VAV3: variants seen among roughly 807,000 people sequenced by gnomAD.
VAV3 encodes the protein vav guanine nucleotide exchange factor 3, also known as guanine nucleotide exchange factor VAV3.
In VAV3, 94 loss-of-function variants were observed where a neutral mutation model predicts 131.2. The observed-to-expected ratio is 0.72, with a 90% CI of 0.61 to 0.85. The LOEUF (loss-of-function observed/expected upper bound fraction) is 0.85, where lower values mean the gene tolerates loss of function less well. Among genes scored for constraint, VAV3 ranks in the 40% least tolerant of loss-of-function variants. VAV3 has a pLI of 0.00. For synonymous variants in VAV3, 349 were observed against 342.0 expected (o/e 1.02, Z -0.22); for missense variants, 939 against 1,002.7 (o/e 0.94, Z 0.86).
chr1:107,784,785 C>A (rs1471516611), intron 2 of VAV3, among the ~76,000 whole-genome samples: 1 of 152,120 alleles, frequency 6.6e-6, no homozygotes, highest in East Asian at 1.9e-4. Context: ...AGAGTAATAC[C>A]TTGCTAAATT....
rs146310785 is a variant in VAV3, at chr1:107,579,764, A to G, written c.2351-5566T>C. Among the ~76,000 whole-genome samples the G allele has an allele frequency of 3.9e-5, 6 of 152,204 alleles. No homozygotes were observed. In the East Asian group the frequency reaches 1.2e-3, roughly 29 times the overall value. Reference sequence around the variant, plus strand: ...AACCCTTGGCCTGAATTCCATGACAATTCATAATCTGGCCACTCTTGTCTC... The same window carrying G: ...AACCCTTGGCCTGAATTCCATGACAGTTCATAATCTGGCCACTCTTGTCTC... On this transcript the variant is annotated intron_variant, in intron 25 of 26. Transcript: ENST00000370056.
chr1:107,783,283 G>A (rs2102241150), intron 2 of VAV3, among the ~76,000 whole-genome samples: 1 of 152,264 alleles, frequency 6.6e-6, no homozygotes, highest in Non-Finnish European at 1.5e-5. Context: ...AAAGTGAAGG[G>A]CAGACTGGGG....
Position 107,893,094 on chromosome 1 carries a change from T to C in VAV3, c.205-18077A>G, listed in dbSNP as rs182370683. Among the ~76,000 whole-genome samples the C allele has an allele frequency of 2.4e-3, 360 of 152,314 alleles. 2 individuals are homozygous for C. The highest frequency in any genetic ancestry group is 4.1e-3 in the Admixed American group (63 of 15,296). On this transcript the variant is annotated intron_variant, in intron 1 of 26. Coordinates refer to ENST00000370056, the MANE Select transcript of VAV3 (RefSeq NM_006113.5). The stretch of plus-strand genomic sequence containing the variant: ...CTTGGTCAAGTTGCTAAAGCTCCAG[T>C]GTCAACTTACAAAAATAATAATCCT...
chr1:107,865,918 TAA>T (rs777099076), intron 2 of VAV3, among the ~76,000 whole-genome samples: 101 of 152,192 alleles, frequency 6.6e-4, no homozygotes, highest in Non-Finnish European at 1.2e-3. Flanking sequence ...GAGTACACAG[TAA>T]GAGACAAAAT....
intron 1 of VAV3, among the ~76,000 whole-genome samples, chr1:107,931,998 T>C (rs1043794682): frequency 2.0e-5 from 3 of 152,246 alleles, no homozygotes; most frequent in Non-Finnish European, 2.9e-5. Flanking sequence ...GTTTTTCTTA[T>C]GGCCAACCAG....
At chr1:107,663,690 T>C (rs746472737) in intron 19 of VAV3, among the ~76,000 whole-genome samples, 12 of 152,224 alleles carry the variant, frequency 7.9e-5, no homozygotes, top group Non-Finnish European at 1.5e-4. Flanking sequence ...TCTGATTGCC[T>C]TGACTTTCGG....
intron 26 of VAV3, among the ~76,000 whole-genome samples, 159 bp from the exon 27 acceptor site, chr1:107,573,531 A>T (rs1358920480): frequency 1.3e-5 from 2 of 152,194 alleles, no homozygotes; most frequent in African/African-American, 4.8e-5. Context: ...TTAGAAGCCT[A>T]ATAGAGTAAA....
intron 17 of VAV3, among the ~76,000 whole-genome samples, chr1:107,695,864 T>C (rs1055587580): frequency 2.0e-5 from 3 of 152,154 alleles, no homozygotes; most frequent in African/African-American, 7.2e-5. Flanking sequence ...ATCTGTCCAT[T>C]AAAAGGTAGA....
intron 20 of VAV3, among the ~76,000 whole-genome samples, chr1:107,631,224 T>C (rs553344909): frequency 1.1e-3 from 160 of 151,626 alleles, no homozygotes; most frequent in Non-Finnish European, 1.9e-3. Context: ...ACTAAATGCA[T>C]TGTTATCATA....
chr1:107,868,705 T>C (rs1055550572), intron 2 of VAV3, among the ~76,000 whole-genome samples: 3 of 152,152 alleles, frequency 2.0e-5, no homozygotes, highest in Non-Finnish European at 4.4e-5. Context: ...CGATAGGAGA[T>C]GTAGAGGCTT....
chr1:107,652,346 C>T (rs563270217), intron 19 of VAV3, among the ~76,000 whole-genome samples: 84 of 152,254 alleles, frequency 5.5e-4, no homozygotes, highest in Non-Finnish European at 1.0e-3. Flanking sequence ...AGCAAATCAT[C>T]AAGAAATAAC....
At chr1:107,596,908 A>G (rs887895639) in intron 24 of VAV3, among the ~76,000 whole-genome samples, 12 of 152,212 alleles carry the variant, frequency 7.9e-5, no homozygotes, top group African/African-American at 2.9e-4. Flanking sequence ...ACAGAGGTCA[A>G]TGTAATTCTT....
chr1:107,627,676 T>G (rs896911812), intron 20 of VAV3, among the ~76,000 whole-genome samples: 3 of 152,190 alleles, frequency 2.0e-5, no homozygotes, highest in African/African-American at 7.2e-5. Context: ...CCATGAGTCA[T>G]TTAAGAATTA....
chr1:107,763,232 A>C (rs1257817318), intron 9 of VAV3, among the ~76,000 whole-genome samples: 1 of 152,220 alleles, frequency 6.6e-6, no homozygotes, highest in African/African-American at 2.4e-5. Context: ...AAGAAAGGAC[A>C]GCAGGGGCAC....
chr1:107,786,240 T>C (rs1665997217), intron 2 of VAV3, among the ~76,000 whole-genome samples: 1 of 152,286 alleles, frequency 6.6e-6, no homozygotes, highest in East Asian at 1.9e-4. Flanking sequence ...TTGGTAACAA[T>C]CATAAATTTA....
At chr1:107,574,373 G>T (rs1649469123) in intron 25 of VAV3, among the ~76,000 whole-genome samples, 175 bp from the exon 26 acceptor site, 1 of 152,164 alleles carries the variant, frequency 6.6e-6, no homozygotes, top group African/African-American at 2.4e-5. Flanking sequence ...ATTCAATCAG[G>T]TGCAAGCAAA....
chr1:107,802,986 G>T (rs1666896274), intron 2 of VAV3, among the ~76,000 whole-genome samples: 1 of 150,980 alleles, frequency 6.6e-6, no homozygotes, highest in Admixed American at 6.6e-5. Context: ...TTTCTTTAAT[G>T]AGAGACTTTT....
intron 1 of VAV3, among the ~76,000 whole-genome samples, chr1:107,904,765 T>C (rs147237869): frequency 1.3e-3 from 199 of 152,326 alleles, no homozygotes; most frequent in Non-Finnish European, 2.4e-3. Flanking sequence ...TCTACCATCA[T>C]GAGACTTTCT....
At chr1:107,942,150 G>A (rs929611096) in intron 1 of VAV3, among the ~76,000 whole-genome samples, 1 of 152,148 alleles carries the variant, frequency 6.6e-6, no homozygotes. Flanking sequence ...TGCTGGCATC[G>A]CTGGGCTTTC....
Sources: gnomAD v4.1 joint callset for allele counts (sites outside exome capture counted in the v4.1 genomes callset) on GRCh38, gnomAD v4.1.1 for gene constraint, MANE v1.5 for transcripts, NCBI Gene and HGNC (gene_info 2026-07-23, HGNC 2026-07-21) for gene names.